LRRC4C: variants seen among roughly 807,000 people sequenced by gnomAD.
LRRC4C encodes the protein leucine rich repeat containing 4C, also known as leucine-rich repeat-containing protein 4C.
Under a neutral mutation model 33.6 loss-of-function variants are expected in LRRC4C, and 5 were observed. The ratio of observed to expected loss-of-function variants is 0.15; its 90% confidence interval spans 0.08 to 0.31. The LOEUF is 0.31. LRRC4C is among the 10% of genes least tolerant of loss of function. LRRC4C has a pLI of 1.00. For synonymous variants in LRRC4C, 329 were observed against 302.0 expected, an observed-to-expected ratio of 1.09 and a Z score of -0.93; for missense variants, 560 against 796.7, an observed-to-expected ratio of 0.70 and a Z score of 3.58.
intron 2 of LRRC4C, among the ~76,000 whole-genome samples, chr11:40,765,711 C>G (rs1197297685): frequency 6.6e-6 from 1 of 151,340 alleles, no homozygotes; most frequent in African/African-American, 2.4e-5. Flanking sequence ...AGTCTCTTAA[C>G]AGCAGAATTG....
At chr11:40,453,635 G>A (rs1281470362) in intron 3 of LRRC4C, among the ~76,000 whole-genome samples, 2 of 125,846 alleles carry the variant, frequency 1.6e-5, no homozygotes, top group African/African-American at 2.7e-5. Context: ...AAACAACTAC[G>A]GACCAATATC....
chr11:41,353,403 C>T (rs1455395273), intron 1 of LRRC4C, among the ~76,000 whole-genome samples: 1 of 151,890 alleles, frequency 6.6e-6, no homozygotes, highest in African/African-American at 2.4e-5. Context: ...AAGAAAAATT[C>T]CTGGATCAGA....
chr11:41,424,775 A>G (rs556096678), intron 1 of LRRC4C, among the ~76,000 whole-genome samples: 1 of 152,248 alleles, frequency 6.6e-6, no homozygotes, highest in Non-Finnish European at 1.5e-5. Context: ...TCAAAAAGCT[A>G]TCTTGAGAGT....
At chr11:41,339,791 T>C (rs1176155804) in intron 1 of LRRC4C, among the ~76,000 whole-genome samples, 4 of 152,210 alleles carry the variant, frequency 2.6e-5, no homozygotes, top group Non-Finnish European at 5.9e-5. Context: ...TACAGAAATC[T>C]TGAGTACAAA....
chr11:40,779,531 T>C lies in LRRC4C; in HGVS notation c.-406-131253A>G, dbSNP rs141842646. Among the ~76,000 whole-genome samples, 31 of 152,356 alleles carry C rather than the reference T, an allele frequency of 2.0e-4. No homozygotes were observed. In the East Asian group the frequency reaches 4.2e-3, roughly 21 times the overall value. On this transcript the variant is annotated intron_variant, in intron 2 of 6. Coordinates refer to ENST00000528697, the MANE Select transcript of LRRC4C (RefSeq NM_001258419.2). ...TTCTTATATTACCCAGTCCTCAAGA[T>C]CTTTTCAAGTTCTTGTTTTTTAAAG...
intron 1 of LRRC4C, among the ~76,000 whole-genome samples, chr11:41,008,450 G>C (rs1456858749): frequency 2.0e-5 from 3 of 152,152 alleles, no homozygotes; most frequent in Non-Finnish European, 4.4e-5. Context: ...ACTAAAGAGA[G>C]CTAGTTCGAT....
chr11:40,832,864 A>T (rs1952482312), intron 2 of LRRC4C, among the ~76,000 whole-genome samples: 1 of 152,158 alleles, frequency 6.6e-6, no homozygotes, highest in Admixed American at 6.6e-5. Flanking sequence ...ATGCCTATTA[A>T]TATAAAATCA....
intron 2 of LRRC4C, among the ~76,000 whole-genome samples, chr11:40,750,802 TAAAA>T (rs1948655826): frequency 9.9e-6 from 1 of 101,072 alleles, no homozygotes; most frequent in Admixed American, 9.3e-5. Flanking sequence ...TAAAGTATAA[TAAAA>T]AGAAAAAAAA....
At chr11:40,480,299 T>TA (rs879792645) in intron 3 of LRRC4C, among the ~76,000 whole-genome samples, 1 of 151,772 alleles carries the variant, frequency 6.6e-6, no homozygotes, top group African/African-American at 2.4e-5. Flanking sequence ...GCTTTTTTTT[T>TA]AATCTACTTT....
At chr11:41,159,519 A>G (rs1200232483) in intron 1 of LRRC4C, among the ~76,000 whole-genome samples, 4 of 152,116 alleles carry the variant, frequency 2.6e-5, no homozygotes, top group Non-Finnish European at 4.4e-5. Context: ...AGAAACAATG[A>G]GCAGACAGAT....
At chr11:40,129,118 G>A (rs963191603) in intron 6 of LRRC4C, among the ~76,000 whole-genome samples, 3 of 152,024 alleles carry the variant, frequency 2.0e-5, no homozygotes, top group African/African-American at 7.2e-5. Flanking sequence ...AGTGCCCCAC[G>A]CAGACAGAAG....
At chr11:40,283,814 C>T (rs1269350942) in intron 4 of LRRC4C, among the ~76,000 whole-genome samples, 1 of 144,902 alleles carries the variant, frequency 6.9e-6, no homozygotes, top group Admixed American at 7.4e-5. Context: ...AAGAGATTCT[C>T]CTGCCTCAGC....
intron 1 of LRRC4C, among the ~76,000 whole-genome samples, chr11:41,031,110 C>T (rs1052685693): frequency 3.9e-5 from 6 of 151,924 alleles, no homozygotes; most frequent in East Asian, 3.9e-4. Context: ...ATTGCTTTCA[C>T]GTGGCTGCTT....
At chr11:40,900,711 A>G (rs1956162399) in intron 2 of LRRC4C, among the ~76,000 whole-genome samples, 1 of 151,928 alleles carries the variant, frequency 6.6e-6, no homozygotes, top group African/African-American at 2.4e-5. Flanking sequence ...TTATCCTTAG[A>G]TTGTAATCCC....
chr11:41,102,872 G>T (rs1032852609), intron 1 of LRRC4C, among the ~76,000 whole-genome samples: 7 of 151,914 alleles, frequency 4.6e-5, no homozygotes, highest in Non-Finnish European at 1.0e-4. Flanking sequence ...GATGTGTAAA[G>T]CTTGAATAAT....
intron 1 of LRRC4C, among the ~76,000 whole-genome samples, chr11:41,353,286 C>G (rs1469784143): frequency 1.3e-5 from 2 of 152,006 alleles, no homozygotes. Context: ...GAATAAATTC[C>G]TGGAAACATA....
chr11:40,870,082 A>G (rs1314814753), intron 2 of LRRC4C, among the ~76,000 whole-genome samples: 1 of 152,202 alleles, frequency 6.6e-6, no homozygotes, highest in Non-Finnish European at 1.5e-5. Context: ...AAAAAGCAAG[A>G]CAAGGTTAAG....
chr11:40,467,820 A>G (rs1029390328), intron 3 of LRRC4C, among the ~76,000 whole-genome samples: 2 of 152,204 alleles, frequency 1.3e-5, no homozygotes, highest in African/African-American at 4.8e-5. Flanking sequence ...GCCAAGATAG[A>G]CTATATTGCA....
chr11:40,959,495 A>G (rs1959103729), intron 1 of LRRC4C, among the ~76,000 whole-genome samples: 1 of 151,704 alleles, frequency 6.6e-6, no homozygotes, highest in African/African-American at 2.4e-5. Flanking sequence ...ATTATATTTA[A>G]TGCCAAAATG....
Sources: gnomAD v4.1 joint callset for allele counts (sites outside exome capture counted in the v4.1 genomes callset) on GRCh38, gnomAD v4.1.1 for gene constraint, MANE v1.5 for transcripts, NCBI Gene and HGNC (gene_info 2026-07-23, HGNC 2026-07-21) for gene names.